MME: variants seen among roughly 807,000 people sequenced by gnomAD.
MME encodes the protein neprilysin.
In MME, 98 loss-of-function variants were observed where a neutral mutation model predicts 113.2. The ratio of observed to expected loss-of-function variants is 0.87; its 90% CI spans 0.74 to 1.02. MME has a LOEUF of 1.02. Among genes scored for constraint, MME ranks in the 50% least tolerant of loss-of-function variants. The pLI, the probability that MME is intolerant of heterozygous loss-of-function variation, is 0.00. For missense variants in MME, 836 were observed against 896.0 expected (o/e 0.93, Z 0.86); for synonymous variants, 292 against 300.6 (o/e 0.97, Z 0.30).
At position 155,180,041 on chromosome 3, in the gene MME, T is replaced by A. The variant is rs544701457; in HGVS notation, c.2154-319T>A. On this transcript the variant is annotated intron_variant, in intron 22 of 22. Coordinates refer to ENST00000360490, the MANE Select transcript of MME (RefSeq NM_007289.4). ...GTTTTACAAACACATATAATGCTTA[T>A]AAATTATTAACTCTCCATGACAACC... Among the ~76,000 whole-genome samples the A allele has an allele frequency of 5.3e-5, 8 of 152,330 alleles. No individual in the cohort carries two copies. In the South Asian group the frequency reaches 1.2e-3, roughly 24 times the overall value.
rs867183163 is a variant in MME at position 155,067,316 on chromosome 3, T to C, written c.-10-16842T>C. ...TTTATTTTCCTTTTTTTTTTTTTTT[T>C]TTTTTTTTTTGGGAGACTGAGTCTC... On this transcript the variant is annotated intron_variant, in intron 1 of 22. Transcript: ENST00000492661. 1.6e-4 allele frequency among the ~76,000 whole-genome samples: 21 copies of C among 129,236 alleles called. No individual in the cohort carries two copies. The South Asian group carries it at 5.3e-3, about 32-fold the overall frequency. 84.8% of individuals were successfully genotyped at this position (129,236 alleles called of 152,430 possible).
chr3:155,119,616 G>A (rs1166894992), intron 8 of MME, among the ~76,000 whole-genome samples: 3,203 of 88,308 alleles, frequency 0.036, no homozygotes, highest in Admixed American at 0.046. Flanking sequence ...CCCTTCCTGT[G>A]TCCATGTGAT....
Position 155,148,565 on chromosome 3 carries a change from G to A in MME, c.1513G>A (p.Asp505Asn), listed in dbSNP as rs1721695869. The change falls in exon 16 of 23, where the codon GAT (aspartate) becomes AAT (asparagine). Residue 505 changes from aspartate to asparagine, a missense_variant. By Grantham distance (23) the Asp-to-Asn change is conservative (BLOSUM62 1). Transcript: ENST00000360490. ...TATAATACAGTTGAACTACAAAGAA[G>A]ATGAATACTTCGAGAACATAATTCA... The part of the protein sequence containing the change: ...NEYLELNYKE[D>N]EYFENIIQNL... 3.1e-6 allele frequency: 5 copies of A among 1,605,868 alleles called. No individual in the cohort carries two copies. Among genetic ancestry groups the A allele is most frequent in the Non-Finnish European group, 4.3e-6 (5 of 1,172,930 alleles).
Position 155,029,621 on chromosome 3 carries a change from A to ACAC in MME, c.-11+5297_-11+5298insCAC, listed in dbSNP as rs1448704895. Among the ~76,000 whole-genome samples, 338 of 152,156 alleles carry ACAC rather than the reference A, an allele frequency of 2.2e-3. 2 individuals are homozygous for ACAC. Among genetic ancestry groups the ACAC allele is most frequent in the African/African-American group, 7.9e-3 (327 of 41,528 alleles). On this transcript the variant is annotated intron_variant, in intron 1 of 22. Coordinates refer to the MME transcript ENST00000492661. ...ACAGTTTTAGGACCTTAAAATATCT[A>ACAC]TTAGAAACAGTGTAACCCTGTCTGA... is the stretch of plus-strand genomic sequence containing the variant.
intron 3 of MME, 200 bp downstream of exon 3, chr3:155,085,294 T>C: frequency 4.3e-6 from 2 of 464,574 alleles, no homozygotes; most frequent in South Asian, 7.4e-5. Flanking sequence ...AATATATTAC[T>C]ATTTTCAGCC....
chr3:155,160,562 G>C (rs1722644618), intron 17 of MME, 114 bp downstream of exon 17: 1 of 739,450 alleles, frequency 1.4e-6, no homozygotes, highest in Admixed American at 1.9e-5. Flanking sequence ...CTGAGTTATT[G>C]CTCTATTGAA....
chr3:155,143,314 C>T, intron 12 of MME, 129 bp from the exon 13 acceptor site: 1 of 1,064,534 alleles, frequency 9.4e-7, no homozygotes, highest in Admixed American at 1.8e-5. Context: ...AGGCTAGGAA[C>T]ATGGGCCTTG....
In MME at chr3:155,142,070, T is replaced by A. The variant is rs145615985; in HGVS notation, c.1037T>A (p.Val346Asp). The change falls in exon 11 of 23, where the codon GTT (valine) becomes GAT (aspartate). Residue 346 changes from valine to aspartate, a missense_variant. Transcript: ENST00000360490. ...ATTACAAATGAGGAAGATGTGGTTGTTTATGCTCCAGAATATTTAACCAAA... is the reference window on the plus strand; with the variant it reads ...ATTACAAATGAGGAAGATGTGGTTGATTATGCTCCAGAATATTTAACCAAA... ...ISITNEEDVVVYAPEYLTKLK... is the reference protein window; with the variant it reads ...ISITNEEDVVDYAPEYLTKLK... 1.9e-6 allele frequency: 3 copies of A among 1,613,690 alleles called. No homozygotes were observed. The African/African-American group carries it at 4.0e-5, about 22-fold the overall frequency.
chr3:155,053,949 T>C (rs1713845033), intron 1 of MME, among the ~76,000 whole-genome samples: 1 of 152,210 alleles, frequency 6.6e-6, no homozygotes, highest in African/African-American at 2.4e-5. Flanking sequence ...GTAACCCTTT[T>C]ATAACTTCCA....
At chr3:155,081,578 T>C (rs887838189) in intron 1 of MME, 3 of 152,150 alleles carry the variant, frequency 2.0e-5, no homozygotes, top group African/African-American at 7.2e-5. Context: ...TGTTTTTGCG[T>C]ACCCTGCTTT....
At chr3:155,063,279 T>C (rs1576677841) in intron 1 of MME, among the ~76,000 whole-genome samples, 1 of 108,430 alleles carries the variant, frequency 9.2e-6, no homozygotes, top group East Asian at 2.3e-4. Context: ...ATTTATATAT[T>C]ATAATATATA....
intron 3 of MME, among the ~76,000 whole-genome samples, chr3:155,101,639 C>A (rs187894409): frequency 1.3e-5 from 2 of 152,192 alleles, no homozygotes; most frequent in African/African-American, 4.8e-5. Flanking sequence ...TAGCTCTTAA[C>A]CTCATGACCT....
intron 1 of MME, among the ~76,000 whole-genome samples, chr3:155,047,739 G>A (rs1183486102): frequency 2.6e-5 from 4 of 151,962 alleles, no homozygotes; most frequent in African/African-American, 9.7e-5. Context: ...TCTGTATGTA[G>A]GATAATTTTT....
intron 16 of MME, 122 bp downstream of exon 16, chr3:155,148,775 A>G: frequency 5.5e-6 from 4 of 732,604 alleles, no homozygotes; most frequent in South Asian, 1.6e-5. Flanking sequence ...TCCTCTTTTT[A>G]TTGAGAACTT....
intron 1 of MME, among the ~76,000 whole-genome samples, chr3:155,024,758 TC>T (rs1712719180): frequency 6.6e-6 from 1 of 152,244 alleles, no homozygotes; most frequent in African/African-American, 2.4e-5. Flanking sequence ...GGGACATCTG[TC>T]GTAGAGATAC....
intron 16 of MME, among the ~76,000 whole-genome samples, chr3:155,159,477 T>C (rs1319056126): frequency 6.6e-6 from 1 of 152,080 alleles, no homozygotes; most frequent in Non-Finnish European, 1.5e-5. Context: ...TGTAGTAGTC[T>C]ACTAAGATGA....
upstream of MME, among the ~76,000 whole-genome samples, chr3:155,075,329 C>G (rs1218067897): frequency 6.6e-6 from 1 of 152,020 alleles, no homozygotes; most frequent in African/African-American, 2.4e-5. Flanking sequence ...AAGTGTGTCT[C>G]TTTTAAACAG....
At chr3:155,154,115 C>T (rs913934945) in intron 16 of MME, among the ~76,000 whole-genome samples, 1 of 152,134 alleles carries the variant, frequency 6.6e-6, no homozygotes, top group Non-Finnish European at 1.5e-5. Flanking sequence ...TTGAGGTGAG[C>T]AGAGGATTCA....
intron 1 of MME, among the ~76,000 whole-genome samples, chr3:155,056,398 A>G (rs955575131): frequency 6.8e-6 from 1 of 147,648 alleles, no homozygotes; most frequent in African/African-American, 2.5e-5. Flanking sequence ...CTCACTGTTC[A>G]GTTCCCACCT....
Sources: gnomAD v4.1 joint callset for allele counts (sites outside exome capture counted in the v4.1 genomes callset) on GRCh38, gnomAD v4.1.1 for gene constraint, MANE v1.5 for transcripts, NCBI Gene and HGNC (gene_info 2026-07-23, HGNC 2026-07-21) for gene names.